Variants in NCOA2 observed in about 807,000 individuals in gnomAD.
The protein encoded by NCOA2 is class E basic helix-loop-helix protein 75.
NCOA2 carries 21 observed loss-of-function variants against 145.1 expected under a neutral mutation model. The observed-to-expected ratio is 0.14, with a 90% CI of 0.10 to 0.21. The LOEUF is 0.21. Among genes scored for constraint, NCOA2 ranks in the 10% least tolerant of loss-of-function variants. The pLI, the probability that NCOA2 is intolerant of heterozygous loss-of-function variation, is 1.00. For missense variants in NCOA2, 1,472 were observed against 1,837.6 expected, an observed-to-expected ratio of 0.80 and a Z score of 3.64; for synonymous variants, 619 against 637.5, an observed-to-expected ratio of 0.97 and a Z score of 0.44.
chr8:70,216,231 CTT>C (rs1819603771), intron 3 of NCOA2, among the ~76,000 whole-genome samples: 1 of 152,136 alleles, frequency 6.6e-6, no homozygotes, highest in Admixed American at 6.5e-5. Flanking sequence ...CTTTAAAATT[CTT>C]TGTTTTATTC....
the NCOA2 span, among the ~76,000 whole-genome samples, chr8:70,414,364 T>C: frequency 3.3e-5 from 5 of 152,296 alleles, no homozygotes; most frequent in East Asian, 9.7e-4. Flanking sequence ...TTTTTAATAG[T>C]GGTTTCATTG....
At chr8:70,283,284 G>T (rs1826015073) in intron 2 of NCOA2, among the ~76,000 whole-genome samples, 1 of 152,196 alleles carries the variant, frequency 6.6e-6, no homozygotes, top group Admixed American at 6.5e-5. Flanking sequence ...TAGTTAAATT[G>T]TATCATTTTT....
At chr8:70,155,052 T>C (rs867669899) in intron 11 of NCOA2, among the ~76,000 whole-genome samples, 8 of 152,220 alleles carry the variant, frequency 5.3e-5, no homozygotes, top group African/African-American at 1.9e-4. Context: ...CAATTTTAAT[T>C]TGTCAAGTAT....
intron 1 of NCOA2, among the ~76,000 whole-genome samples, chr8:70,359,269 A>G (rs1586590213): frequency 6.6e-6 from 1 of 152,170 alleles, no homozygotes; most frequent in East Asian, 1.9e-4. Context: ...AAACAAATAC[A>G]TGTACACATA....
At chr8:70,165,688 C>T (rs1813530931) in intron 7 of NCOA2, among the ~76,000 whole-genome samples, 2 of 152,202 alleles carry the variant, frequency 1.3e-5, no homozygotes, top group East Asian at 1.9e-4. Flanking sequence ...CTCCATTCCC[C>T]ACTCCTGTCT....
At chr8:70,309,510 T>C (rs1465912372) in intron 1 of NCOA2, among the ~76,000 whole-genome samples, 1 of 152,016 alleles carries the variant, frequency 6.6e-6, no homozygotes, top group Non-Finnish European at 1.5e-5. Flanking sequence ...AAGGGATATA[T>C]AAACAGGGAT....
chr8:70,374,801 A>C (rs1218371135), intron 1 of NCOA2, among the ~76,000 whole-genome samples: 1 of 151,928 alleles, frequency 6.6e-6, no homozygotes, highest in Non-Finnish European at 1.5e-5. Context: ...CTCTTTAAAA[A>C]AAAAAAAAAA....
chr8:70,383,862 G>T (rs961608440), intron 1 of NCOA2, among the ~76,000 whole-genome samples: 2 of 152,122 alleles, frequency 1.3e-5, no homozygotes, highest in Non-Finnish European at 2.9e-5. Flanking sequence ...GAAAAAAAAA[G>T]TTTATTCCTT....
chr8:70,211,968 TC>T (rs925848362), intron 4 of NCOA2, among the ~76,000 whole-genome samples: 77 of 151,872 alleles, frequency 5.1e-4, no homozygotes, highest in Admixed American at 3.2e-3. Context: ...TATGGCGCAG[TC>T]CCAGCATGAC....
chr8:70,421,514 C>T, the NCOA2 span, among the ~76,000 whole-genome samples: 3 of 152,246 alleles, frequency 2.0e-5, no homozygotes, highest in African/African-American at 7.2e-5. Flanking sequence ...GCTATGATCG[C>T]ACCACTACAC....
chr8:70,111,407 C>T lies in NCOA2; in HGVS notation c.*2225G>A, dbSNP rs1450173440. On this transcript the variant is annotated 3_prime_UTR_variant, in exon 23 of 23. Coordinates refer to ENST00000452400, the MANE Select transcript of NCOA2 (RefSeq NM_006540.4). Reference sequence around the variant, plus strand: ...TTTCTGAACATTAAAACTGGTCACACTGAATTGTATGCCACATGAGCCTCA... The same window carrying T: ...TTTCTGAACATTAAAACTGGTCACATTGAATTGTATGCCACATGAGCCTCA... The T allele has an allele frequency of 4.5e-6, 1 of 221,638 alleles. No individual in the cohort carries two copies. Among genetic ancestry groups the T allele is most frequent in the East Asian group, 6.6e-5 (1 of 15,220 alleles). 13.7% of individuals were successfully genotyped at this position (221,638 alleles called of 1,614,324 possible).
At chr8:70,176,082 A>G (rs1421525644) in intron 4 of NCOA2, among the ~76,000 whole-genome samples, 1 of 152,304 alleles carries the variant, frequency 6.6e-6, no homozygotes, top group East Asian at 1.9e-4. Flanking sequence ...AGTTGCTTCA[A>G]TTTACCTGTC....
At chr8:70,422,360 G>C in the NCOA2 span, among the ~76,000 whole-genome samples, 119 of 152,040 alleles carry the variant, frequency 7.8e-4, 1 homozygote, top group South Asian at 0.014. Context: ...TTGCCTTAAA[G>C]GTGCATATCC....
intron 4 of NCOA2, among the ~76,000 whole-genome samples, chr8:70,200,312 T>C (rs775467700): frequency 2.0e-5 from 3 of 152,194 alleles, no homozygotes; most frequent in Admixed American, 6.5e-5. Flanking sequence ...TCAAATATTA[T>C]TGGAGTTCAA....
Position 70,141,396 on chromosome 8 carries a change from A to AT in NCOA2, c.2815dup (p.Met939AsnfsTer4). The AT allele has an allele frequency of 6.2e-7, 1 of 1,613,574 alleles. No homozygotes were observed. The highest frequency in any genetic ancestry group is 8.5e-7 in the Non-Finnish European group (1 of 1,179,706). Reference sequence around the variant, plus strand: ...AGGCCGAGAAGCACTGTTACCAATCATTCCTGCATGCAAGCCAAAGAAAAC... The same window carrying AT: ...AGGCCGAGAAGCACTGTTACCAATCATTTCCTGCATGCAAGCCAAAGAAAAC... On this transcript the variant is annotated frameshift_variant, in exon 14 of 23. Coordinates refer to ENST00000452400, the MANE Select transcript of NCOA2 (RefSeq NM_006540.4). LOFTEE classifies it high-confidence loss of function.
At chr8:70,415,901 A>G in the NCOA2 span, among the ~76,000 whole-genome samples, 1 of 152,234 alleles carries the variant, frequency 6.6e-6, no homozygotes. Flanking sequence ...TCCCATCTTC[A>G]TAGATATTCA....
intron 10 of NCOA2, among the ~76,000 whole-genome samples, 163 bp from the exon 11 acceptor site, chr8:70,157,403 T>C (rs953637149): frequency 6.6e-6 from 1 of 152,248 alleles, no homozygotes; most frequent in Non-Finnish European, 1.5e-5. Context: ...TTGACAAGAC[T>C]GAACATGTAC....
chr8:70,210,568 G>A (rs1818911084), intron 4 of NCOA2, among the ~76,000 whole-genome samples: 1 of 152,110 alleles, frequency 6.6e-6, no homozygotes, highest in African/African-American at 2.4e-5. Context: ...ACAACAGAAT[G>A]CTTATTAATT....
chr8:70,405,568 A>G (rs925447380), upstream of NCOA2, among the ~76,000 whole-genome samples: 79 of 141,358 alleles, frequency 5.6e-4, no homozygotes, highest in African/African-American at 1.8e-3. Context: ...TAGCTTGTCT[A>G]CAATGGGGTA....
Sources: gnomAD v4.1 joint callset for allele counts (sites outside exome capture counted in the v4.1 genomes callset) on GRCh38, gnomAD v4.1.1 for gene constraint, MANE v1.5 for transcripts, NCBI Gene and HGNC (gene_info 2026-07-23, HGNC 2026-07-21) for gene names.